FARSB: variants seen among roughly 807,000 people sequenced by gnomAD.
FARSB encodes the protein phenylalanyl-tRNA synthetase subunit beta, also known as phenylalanine--tRNA ligase beta subunit.
FARSB carries 40 observed loss-of-function variants against 69.6 expected under a neutral mutation model. The ratio of observed to expected loss-of-function variants is 0.57; its 90% CI spans 0.45 to 0.75. The LOEUF (loss-of-function observed/expected upper bound fraction) is 0.75. Ranked by LOEUF, FARSB falls within the 30% of genes least tolerant of loss-of-function variation. The pLI is 0.00. For synonymous variants in FARSB, 235 were observed against 247.2 expected, an observed-to-expected ratio of 0.95 and a Z score of 0.46; for missense variants, 632 against 722.9, an observed-to-expected ratio of 0.87 and a Z score of 1.44.
chr2:222,635,653 C>T (rs553511042), intron 5 of FARSB, among the ~76,000 whole-genome samples: 30 of 152,270 alleles, frequency 2.0e-4, no homozygotes, highest in African/African-American at 6.7e-4. Context: ...TACCTCAAAA[C>T]ATCACCAAAA....
At chr2:222,585,985 C>T (rs904596365) in intron 16 of FARSB, among the ~76,000 whole-genome samples, 3 of 152,100 alleles carry the variant, frequency 2.0e-5, no homozygotes, top group African/African-American at 7.2e-5. Flanking sequence ...CAAGGCAGGC[C>T]ACCATTCAAT....
intron 1 of FARSB, 98 bp from the exon 2 acceptor site, chr2:222,648,893 C>A: frequency 2.5e-6 from 2 of 802,322 alleles, no homozygotes; most frequent in South Asian, 2.7e-5. Context: ...TGCCTTACAC[C>A]AATCATACTA....
chr2:222,654,911 G>A (rs1479454507), intron 1 of FARSB, among the ~76,000 whole-genome samples: 1 of 152,168 alleles, frequency 6.6e-6, no homozygotes, highest in Admixed American at 6.5e-5. Flanking sequence ...AAAATTATGG[G>A]GTGGGGGCCG....
At position 222,623,640 on chromosome 2, in the gene FARSB, T is replaced by C; in HGVS notation, c.1251+10A>G. 6.6e-7 allele frequency: 1 copy of C among 1,520,670 alleles called. No individual in the cohort carries two copies. Among genetic ancestry groups the C allele is most frequent in the Non-Finnish European group, 9.1e-7 (1 of 1,094,792 alleles). 94.2% of individuals were successfully genotyped at this position (1,520,670 alleles called of 1,614,324 possible). On this transcript the variant is annotated intron_variant, in intron 13 of 16. Transcript: ENST00000281828. ...TAATCATCTGGGCAGAAAAAGCATG[T>C]AAGACATACCAGGGCAAAGGTAAGT...
chr2:222,609,058 C>T (rs1027828136), intron 15 of FARSB, among the ~76,000 whole-genome samples: 3 of 152,188 alleles, frequency 2.0e-5, no homozygotes, highest in African/African-American at 7.2e-5. Context: ...ACCAATCTTT[C>T]TTTGGCTCTT....
At chr2:222,575,182 G>A (rs535847798) in intron 16 of FARSB, among the ~76,000 whole-genome samples, 1 of 152,180 alleles carries the variant, frequency 6.6e-6, no homozygotes, top group Non-Finnish European at 1.5e-5. Flanking sequence ...AATAACTCCG[G>A]TAGATTAATG....
chr2:222,623,109 A>G (rs1030249096), intron 13 of FARSB, among the ~76,000 whole-genome samples: 4 of 152,138 alleles, frequency 2.6e-5, no homozygotes, highest in African/African-American at 9.7e-5. Context: ...TTGCATACAC[A>G]TTTTATTCTT....
chr2:222,572,009 G>C lies in FARSB; in HGVS notation c.1632C>G (p.Phe544Leu). ...VIKASEGPAFFPGRCAEIFAR... is the reference protein window; with the variant it reads ...VIKASEGPAFLPGRCAEIFAR... ...CAAAGATCTCTGCACATCGCCCGGG[G>C]AAGAAAGCAGGCCCTGAAAAAGAGA... Residue 544 changes from phenylalanine to leucine, a missense_variant, in exon 17 of 17, where the codon TTC becomes TTG. By Grantham distance (22) the Phe-to-Leu change is conservative. Coordinates refer to ENST00000281828, the MANE Select transcript of FARSB (RefSeq NM_005687.5). 1.2e-6 allele frequency: 2 copies of C among 1,610,590 alleles called. No homozygotes were observed. Among genetic ancestry groups the C allele is most frequent in the Non-Finnish European group, 1.7e-6 (2 of 1,179,120 alleles).
At chr2:222,612,647 C>T (rs961588552) in intron 15 of FARSB, among the ~76,000 whole-genome samples, 4 of 152,222 alleles carry the variant, frequency 2.6e-5, no homozygotes, top group African/African-American at 9.7e-5. Context: ...GCTGCATAAA[C>T]ACTGCTAGTA....
At chr2:222,596,955 G>C (rs1553548873) in intron 16 of FARSB, among the ~76,000 whole-genome samples, 1 of 152,044 alleles carries the variant, frequency 6.6e-6, no homozygotes, top group African/African-American at 2.4e-5. Flanking sequence ...CTTGCCATTA[G>C]ATAATCAAAA....
intron 15 of FARSB, among the ~76,000 whole-genome samples, chr2:222,603,868 C>T (rs1302217104): frequency 1.3e-5 from 2 of 151,726 alleles, no homozygotes; most frequent in Non-Finnish European, 2.9e-5. Context: ...TGAAAACAAA[C>T]AATATAAGGG....
rs538893684 is a variant in FARSB at position 222,570,799 on chromosome 2, A to T, written c.*1072T>A. The T allele has an allele frequency of 1.4e-4, 21 of 152,334 alleles. No individual in the cohort carries two copies. The highest frequency in any genetic ancestry group is 1.4e-3 in the Admixed American group (21 of 15,304). The allele number at this position is 152,334 out of a possible 1,614,324, so 9.4% of individuals were successfully genotyped here. ...CAGCCTCCCAAAGTGCTAGGATTAC[A>T]GGCATGAGCCACAGCGCACCCAGCC... On this transcript the variant is annotated 3_prime_UTR_variant, in exon 17 of 17. Coordinates refer to ENST00000281828, the MANE Select transcript of FARSB (RefSeq NM_005687.5).
At chr2:222,650,624 T>G (rs1250585620) in intron 1 of FARSB, among the ~76,000 whole-genome samples, 1 of 151,980 alleles carries the variant, frequency 6.6e-6, no homozygotes, top group Non-Finnish European at 1.5e-5. Flanking sequence ...CTAGGGCAGG[T>G]AGTAATAGGT....
intron 15 of FARSB, among the ~76,000 whole-genome samples, chr2:222,606,523 T>C (rs2106203723): frequency 6.6e-6 from 1 of 152,338 alleles, no homozygotes; most frequent in Non-Finnish European, 1.5e-5. Context: ...GGCAAGTATG[T>C]CAGCCTAAAT....
chr2:222,629,662 T>C (rs1691367146), intron 9 of FARSB, among the ~76,000 whole-genome samples: 1 of 152,244 alleles, frequency 6.6e-6, no homozygotes, highest in African/African-American at 2.4e-5. Context: ...TTATCCAATA[T>C]TTATGCGTAT....
At chr2:222,585,208 C>T (rs1690080120) in intron 16 of FARSB, among the ~76,000 whole-genome samples, 1 of 152,242 alleles carries the variant, frequency 6.6e-6, no homozygotes, top group African/African-American at 2.4e-5. Context: ...GCAGCCTCCG[C>T]TGGTGATACC....
rs780516152 is a variant in FARSB at position 222,633,251 on chromosome 2, T to C, written c.663A>G (p.Pro221=). 3.8e-6 allele frequency: 6 copies of C among 1,589,854 alleles called. No homozygotes were observed. The highest frequency in any genetic ancestry group is 5.2e-6 in the Non-Finnish European group (6 of 1,162,866). ...LHIIENKPLY[P]VIYDSNGVVL... ...CGACACCATTGCTATCATAGATAAC[T>C]GGATACAGGGGTTTGTTTTCAATGA... The change falls in exon 7 of 17, where the codon CCA becomes CCG. Residue 221 remains proline (P), a synonymous_variant. Transcript: ENST00000281828.
At chr2:222,645,819 A>G (rs1268514102) in intron 2 of FARSB, among the ~76,000 whole-genome samples, 1 of 152,132 alleles carries the variant, frequency 6.6e-6, no homozygotes, top group African/African-American at 2.4e-5. Context: ...ATTGAGATAA[A>G]AAATATTGTT....
Position 222,585,717 on chromosome 2 carries a change from G to A in FARSB, c.1619-13695C>T, listed in dbSNP as rs552877257. On this transcript the variant is annotated intron_variant, in intron 16 of 16. Transcript: ENST00000281828. ...GAAAACCATGGCAAGAGAACTATGT[G>A]ACGCATGCACAAGCTTCAGTAGCTG... Among the ~76,000 whole-genome samples, 4 of 152,358 alleles carry A rather than the reference G, an allele frequency of 2.6e-5. No individual in the cohort carries two copies. In the East Asian group the frequency reaches 7.7e-4, roughly 29 times the overall value.
Sources: allele counts gnomAD v4.1 joint callset (sites outside exome capture counted in the v4.1 genomes callset), GRCh38; gene constraint gnomAD v4.1.1; transcripts MANE v1.5; gene names NCBI Gene and HGNC (gene_info 2026-07-23, HGNC 2026-07-21).